PRKCI: variants seen among roughly 807,000 people sequenced by gnomAD.
PRKCI encodes protein kinase C iota.
A neutral mutation model predicts 84.0 loss-of-function variants in PRKCI; 43 were observed. The observed-to-expected ratio is 0.51, with a 90% CI of 0.40 to 0.66. The LOEUF (loss-of-function observed/expected upper bound fraction) is 0.66. Among genes scored for constraint, PRKCI ranks in the 30% least tolerant of loss-of-function variants. The probability of loss-of-function intolerance (pLI) is 0.00; values close to 1 mark genes in which losing one functional copy is unlikely to be tolerated. For synonymous variants in PRKCI, 216 were observed against 234.4 expected (o/e 0.92, Z 0.72); for missense variants, 459 against 745.6 (o/e 0.62, Z 4.48).
intron 1 of PRKCI, among the ~76,000 whole-genome samples, chr3:170,226,272 C>T (rs918250206): frequency 2.0e-5 from 3 of 152,152 alleles, no homozygotes; most frequent in Non-Finnish European, 2.9e-5. Context: ...TTTTATTGGA[C>T]ACCACATCTT....
chr3:170,260,121 C>A, intron 3 of PRKCI, 63 bp downstream of exon 3: 2 of 1,072,962 alleles, frequency 1.9e-6, no homozygotes, highest in Non-Finnish European at 1.4e-6. Context: ...ACTCTTTATT[C>A]TTCACCATTT....
chr3:170,252,496 A>T (rs1733477634), intron 2 of PRKCI, among the ~76,000 whole-genome samples: 1 of 152,068 alleles, frequency 6.6e-6, no homozygotes, highest in African/African-American at 2.4e-5. Flanking sequence ...AAATATTCCA[A>T]TTATACTCTT....
Position 170,305,561 on chromosome 3 carries a change from CT to C in PRKCI, c.*2441del, listed in dbSNP as rs912185132. The C allele has an allele frequency of 3.9e-5, 6 of 151,986 alleles. No individual in the cohort carries two copies. Among genetic ancestry groups the C allele is most frequent in the African/African-American group, 1.4e-4 (6 of 41,400 alleles). 9.4% of individuals were successfully genotyped at this position (151,986 alleles called of 1,614,324 possible). ...TCAGGGTGGTCTTTTGTTTTTAAAT[CT>C]TTTTTTAACTAATAAGATTTACGGT... is the stretch of plus-strand genomic sequence containing the variant. On this transcript the variant is annotated 3_prime_UTR_variant, in exon 18 of 18. Transcript: ENST00000295797.
intron 2 of PRKCI, among the ~76,000 whole-genome samples, chr3:170,237,028 A>C (rs1292909208): frequency 6.6e-6 from 1 of 152,240 alleles, no homozygotes; most frequent in Non-Finnish European, 1.5e-5. Context: ...CTTGAGGAAT[A>C]CAAAGGAAGA....
intron 2 of PRKCI, among the ~76,000 whole-genome samples, chr3:170,248,515 T>C (rs1302840992): frequency 2.0e-5 from 3 of 152,202 alleles, no homozygotes; most frequent in Admixed American, 2.0e-4. Context: ...GAGAAATAGC[T>C]TTTCTGCTCA....
At chr3:170,282,857 A>C (rs1360338105) in intron 11 of PRKCI, among the ~76,000 whole-genome samples, 1 of 152,048 alleles carries the variant, frequency 6.6e-6, no homozygotes, top group Non-Finnish European at 1.5e-5. Context: ...CTGTAATCCC[A>C]GCACTTTGGG....
intron 12 of PRKCI, 97 bp downstream of exon 12, chr3:170,284,693 T>C: frequency 4.4e-6 from 6 of 1,365,274 alleles, no homozygotes; most frequent in Admixed American, 2.7e-5. Flanking sequence ...GATTACTAAT[T>C]TTGCTAATTT....
At chr3:170,230,873 T>C (rs1472083123) in intron 1 of PRKCI, among the ~76,000 whole-genome samples, 1 of 152,114 alleles carries the variant, frequency 6.6e-6, no homozygotes, top group Non-Finnish European at 1.5e-5. Context: ...TTTTTGCACA[T>C]ACCACTATTG....
chr3:170,247,246 G>C (rs1733308972), intron 2 of PRKCI, among the ~76,000 whole-genome samples: 1 of 151,516 alleles, frequency 6.6e-6, no homozygotes, highest in African/African-American at 2.4e-5. Context: ...AATAGAGATG[G>C]GATCTTGCTA....
intron 4 of PRKCI, among the ~76,000 whole-genome samples, chr3:170,266,728 C>T (rs374050414): frequency 4.5e-4 from 68 of 152,280 alleles, no homozygotes; most frequent in African/African-American, 1.5e-3. Flanking sequence ...CATGGTGGCC[C>T]ATGCCTGTAA....
chr3:170,258,331 A>T (rs2108847663), intron 2 of PRKCI, among the ~76,000 whole-genome samples: 1 of 151,326 alleles, frequency 6.6e-6, no homozygotes, highest in South Asian at 2.1e-4. Flanking sequence ...TTTTTGAGAC[A>T]GTCTTGCTTT....
chr3:170,297,932 G>C (rs151035415), intron 16 of PRKCI, among the ~76,000 whole-genome samples: 3,132 of 151,690 alleles, frequency 0.021, 101 homozygotes, highest in African/African-American at 0.07. Context: ...CTGGAGTGCA[G>C]TAGTGTGATC....
At position 170,303,643 on chromosome 3, in the gene PRKCI, T is replaced by C. The variant is rs1205156463; in HGVS notation, c.*516T>C. ...TTTATTGCCTTGGATAAATAAATTA[T>C]TGATCTTTTTTAAGGCAGCAGTTAT... On this transcript the variant is annotated 3_prime_UTR_variant, in exon 18 of 18. Coordinates refer to ENST00000295797, the MANE Select transcript of PRKCI (RefSeq NM_002740.6). 9 of 224,082 alleles carry C rather than the reference T, an allele frequency of 4.0e-5. No individual in the cohort carries two copies. Among genetic ancestry groups the C allele is most frequent in the Non-Finnish European group, 4.4e-5 (5 of 112,376 alleles). The allele number at this position is 224,082 out of a possible 1,614,324, so 13.9% of individuals were successfully genotyped here. A position where few individuals can be genotyped will look rare whatever the true frequency, so the allele number is the denominator to read the frequency against.
At chr3:170,273,612 C>G (rs1447703936) in intron 7 of PRKCI, among the ~76,000 whole-genome samples, 4 of 151,426 alleles carry the variant, frequency 2.6e-5, no homozygotes, top group Admixed American at 6.6e-5. Flanking sequence ...GTCAGGAGTT[C>G]GAGACCAGCC....
At position 170,300,580 on chromosome 3, in the gene PRKCI, C is replaced by T. The variant is rs1270906498; in HGVS notation, c.1703+1470C>T. On this transcript the variant is annotated intron_variant, in intron 17 of 17. Coordinates refer to ENST00000295797, the MANE Select transcript of PRKCI (RefSeq NM_002740.6). ...TCCTCATTTTCATTTCATCTTAAAG[C>T]CTCAAAAAAAAAAAAGTTAATAGAT... Among the ~76,000 whole-genome samples, 4 of 149,338 alleles carry T rather than the reference C, an allele frequency of 2.7e-5. No individual in the cohort carries two copies. The South Asian group carries it at 8.4e-4, about 31-fold the overall frequency.
intron 3 of PRKCI, among the ~76,000 whole-genome samples, chr3:170,260,431 C>T (rs989631944): frequency 6.6e-6 from 1 of 152,066 alleles, no homozygotes; most frequent in Non-Finnish European, 1.5e-5. Flanking sequence ...AATATCCTTT[C>T]TTTTGCTTAA....
intron 1 of PRKCI, among the ~76,000 whole-genome samples, chr3:170,226,831 G>A (rs1239983258): frequency 1.3e-5 from 2 of 152,130 alleles, no homozygotes; most frequent in South Asian, 2.1e-4. Context: ...TTCAGCCATG[G>A]CACCTAATCC....
chr3:170,256,380 C>T (rs1314648034), intron 2 of PRKCI, among the ~76,000 whole-genome samples: 1 of 152,086 alleles, frequency 6.6e-6, no homozygotes, highest in Non-Finnish European at 1.5e-5. Flanking sequence ...CTTTGGATTT[C>T]TTCATGGTTC....
At position 170,303,091 on chromosome 3, in the gene PRKCI, C is replaced by T. The variant is rs774647404; in HGVS notation, c.1755C>T (p.Ile585=). ...DQSEFEGFEY[I]NPLLMSAEEC... is the part of the protein sequence containing the mutation. Reference sequence around the variant, plus strand: ...CTGAATTTGAAGGTTTTGAGTATATCAATCCTCTTTTGATGTCTGCAGAAG... The same window carrying T: ...CTGAATTTGAAGGTTTTGAGTATATTAATCCTCTTTTGATGTCTGCAGAAG... The change falls in exon 18 of 18, where the codon ATC becomes ATT. Residue 585 remains isoleucine, a synonymous_variant. Coordinates refer to ENST00000295797, the MANE Select transcript of PRKCI (RefSeq NM_002740.6). The T allele has an allele frequency of 2.5e-6, 4 of 1,605,044 alleles. No individual in the cohort carries two copies. The South Asian group carries it at 3.3e-5, about 13-fold the overall frequency.
Sources: allele counts gnomAD v4.1 joint callset (sites outside exome capture counted in the v4.1 genomes callset), GRCh38; gene constraint gnomAD v4.1.1; transcripts MANE v1.5; gene names NCBI Gene and HGNC (gene_info 2026-07-23, HGNC 2026-07-21).